The following AP3S2 variants were observed in gnomAD, a reference collection of about 807,000 sequenced individuals.
The protein encoded by AP3S2 is adaptor related protein complex 3 subunit sigma 2, also known as AP-3 complex subunit sigma-2.
A neutral mutation model predicts 23.4 loss-of-function variants in AP3S2; 22 were observed. The observed-to-expected ratio is 0.94, with a 90% CI of 0.67 to 1.34. AP3S2 has a LOEUF of 1.34. Ranked by LOEUF, AP3S2 falls within the 40% of genes most tolerant of loss-of-function variation. AP3S2 has a pLI of 0.00. For synonymous variants in AP3S2, 86 were observed against 87.1 expected, an observed-to-expected ratio of 0.99 and a Z score of 0.07; for missense variants, 241 against 236.9, an observed-to-expected ratio of 1.02 and a Z score of -0.11.
intron 3 of AP3S2, among the ~76,000 whole-genome samples, chr15:89,874,654 C>T (rs1456766984): frequency 6.6e-6 from 1 of 152,130 alleles, no homozygotes; most frequent in East Asian, 1.9e-4. Context: ...TAGTGGCACA[C>T]ACCTGTAGTC....
At chr15:89,869,856 C>T (rs1241757348) in intron 4 of AP3S2, among the ~76,000 whole-genome samples, 2 of 152,006 alleles carry the variant, frequency 1.3e-5, no homozygotes, top group Middle Eastern at 3.4e-3. Flanking sequence ...CGGGTTCAAG[C>T]GATTCTCCTG....
chr15:89,858,523 G>GAGAGAGAAAGAA (rs1555446558), intron 4 of AP3S2, among the ~76,000 whole-genome samples: 96 of 53,298 alleles, frequency 1.8e-3, no homozygotes, highest in Admixed American at 4.4e-3. Flanking sequence ...GAGAGAGAGA[G>GAGAGAGAAAGAA]AGAAAGAAAG....
At position 89,835,028 on chromosome 15, in the gene AP3S2, G is replaced by T. The variant is rs182322452; in HGVS notation, c.*487C>A. On this transcript the variant is annotated 3_prime_UTR_variant, in exon 6 of 6. Transcript: ENST00000336418. ...CACTCACCACACCCCCAGATCTGAAGGGCCAGCCCTTTTCTACCTATGACA... is the reference window on the plus strand; with the variant it reads ...CACTCACCACACCCCCAGATCTGAATGGCCAGCCCTTTTCTACCTATGACA... 1.2e-3 allele frequency: 188 copies of T among 163,224 alleles called. No homozygotes were observed. The highest frequency in any genetic ancestry group is 4.4e-3 in the African/African-American group (185 of 41,974). The allele number at this position is 163,224 out of a possible 1,614,324, so 10.1% of individuals were successfully genotyped here.
At chr15:89,849,345 A>G (rs1002936113) in intron 4 of AP3S2, among the ~76,000 whole-genome samples, 2 of 152,210 alleles carry the variant, frequency 1.3e-5, no homozygotes, top group African/African-American at 4.8e-5. Flanking sequence ...TTTGCAGCTC[A>G]TTGTTAATAT....
At position 89,864,841 on chromosome 15, in the gene AP3S2, C is replaced by T. The variant is rs371946031; in HGVS notation, c.345+6634G>A. 3.9e-5 allele frequency among the ~76,000 whole-genome samples: 6 copies of T among 152,192 alleles called. 1 individual carries two copies. Among genetic ancestry groups the T allele is most frequent in the African/African-American group, 1.4e-4 (6 of 41,514 alleles). On this transcript the variant is annotated intron_variant, in intron 4 of 5. Transcript: ENST00000336418. The stretch of plus-strand genomic sequence containing the variant: ...ATAGGCATTAGCCACTGTGCCCGGT[C>T]CTTACAAATACGTTTTTAAATCACA...
chr15:89,845,469 G>C (rs1339399784), intron 4 of AP3S2: 1 of 152,186 alleles, frequency 6.6e-6, no homozygotes, highest in East Asian at 1.9e-4. Flanking sequence ...GAGATAGATG[G>C]GACTTAAGAA....
chr15:89,839,926 T>C (rs1298807544), intron 4 of AP3S2, among the ~76,000 whole-genome samples: 3 of 152,092 alleles, frequency 2.0e-5, no homozygotes, highest in Admixed American at 6.5e-5. Context: ...CGGATGAACC[T>C]TGAAGATACT....
intron 4 of AP3S2, among the ~76,000 whole-genome samples, chr15:89,863,290 C>G (rs1288731214): frequency 6.6e-6 from 1 of 152,076 alleles, no homozygotes; most frequent in East Asian, 1.9e-4. Context: ...AAATCACCCA[C>G]GAATTCAAGT....
chr15:89,887,474 CAA>C (rs1489939746), intron 3 of AP3S2, among the ~76,000 whole-genome samples: 1 of 145,432 alleles, frequency 6.9e-6, no homozygotes, highest in African/African-American at 2.6e-5. Flanking sequence ...CGGGTTCAAG[CAA>C]GTCTCCTGCC....
intron 3 of AP3S2, among the ~76,000 whole-genome samples, chr15:89,880,133 ACT>A (rs1285404727): frequency 6.6e-6 from 1 of 151,638 alleles, no homozygotes; most frequent in African/African-American, 2.4e-5. Flanking sequence ...ACGAAGTGAG[ACT>A]CTGTCTCCAA....
At chr15:89,885,580 T>C (rs1236656832) in intron 3 of AP3S2, among the ~76,000 whole-genome samples, 1 of 152,104 alleles carries the variant, frequency 6.6e-6, no homozygotes, top group African/African-American at 2.4e-5. Context: ...TTTAAAACAA[T>C]GTTTTCTATT....
At chr15:89,880,982 A>T (rs185319041) in intron 3 of AP3S2, among the ~76,000 whole-genome samples, 134 of 152,356 alleles carry the variant, frequency 8.8e-4, no homozygotes, top group Non-Finnish European at 1.5e-3. Flanking sequence ...AGTAAACAGG[A>T]TGATGTGACA....
At chr15:89,864,026 T>G (rs1258100584) in intron 4 of AP3S2, among the ~76,000 whole-genome samples, 1 of 152,218 alleles carries the variant, frequency 6.6e-6, no homozygotes, top group African/African-American at 2.4e-5. Flanking sequence ...GGATTCTGAT[T>G]CCTTGCATCA....
At chr15:89,858,523 G>GAGAGAGAGAGAGAGAGAGAAAGAAAGAA (rs1555446558) in intron 4 of AP3S2, among the ~76,000 whole-genome samples, 1 of 53,654 alleles carries the variant, frequency 1.9e-5, no homozygotes. Context: ...GAGAGAGAGA[G>GAGAGAGAGAGAGAGAGAGAAAGAAAGAA]AGAAAGAAAG....
intron 4 of AP3S2, among the ~76,000 whole-genome samples, chr15:89,867,177 C>G (rs1896151817): frequency 6.7e-6 from 1 of 149,686 alleles, no homozygotes; most frequent in Middle Eastern, 3.2e-3. Flanking sequence ...CACGCGCCGC[C>G]ACGCCTGACT....
intron 4 of AP3S2, chr15:89,865,348 C>T (rs933766589): frequency 2.0e-5 from 3 of 152,138 alleles, no homozygotes; most frequent in African/African-American, 4.8e-5. Flanking sequence ...CACATGGCTA[C>T]ACCTAACTTC....
chr15:89,835,663 G>C lies in AP3S2; in HGVS notation c.454-20C>G. The C allele has an allele frequency of 9.5e-6, 15 of 1,584,092 alleles. No homozygotes were observed. Among genetic ancestry groups the C allele is most frequent in the Non-Finnish European group, 1.3e-5 (15 of 1,168,472 alleles). On this transcript the variant is annotated intron_variant, in intron 5 of 5. Coordinates refer to ENST00000336418, the MANE Select transcript of AP3S2 (RefSeq NM_005829.5). ...GCCACCCTAAGAAGAAATGAGAGGC[G>C]AGTATGAGACAAATTCTCACTGTTA... is the stretch of plus-strand genomic sequence containing the variant.
intron 4 of AP3S2, among the ~76,000 whole-genome samples, chr15:89,868,821 G>C (rs1331959950): frequency 7.9e-6 from 1 of 126,846 alleles, no homozygotes; most frequent in Non-Finnish European, 1.6e-5. Flanking sequence ...GAGGGAGGTG[G>C]GGGGGTCAGC....
chr15:89,863,168 G>A (rs116885281), intron 4 of AP3S2, among the ~76,000 whole-genome samples: 566 of 152,244 alleles, frequency 3.7e-3, no homozygotes, highest in Non-Finnish European at 6.1e-3. Context: ...ACTAGGAAAC[G>A]GCCACAGGAT....
Sources: gnomAD v4.1 joint callset for allele counts (sites outside exome capture counted in the v4.1 genomes callset) on GRCh38, gnomAD v4.1.1 for gene constraint, MANE v1.5 for transcripts, NCBI Gene and HGNC (gene_info 2026-07-23, HGNC 2026-07-21) for gene names.